The following CDKAL1 variants were observed in gnomAD, a reference collection of about 807,000 sequenced individuals.
CDKAL1 encodes the protein threonylcarbamoyladenosine tRNA methylthiotransferase.
A neutral mutation model predicts 68.2 loss-of-function variants in CDKAL1; 32 were observed. That is an observed-to-expected ratio of 0.47 (90% CI 0.35 to 0.63). CDKAL1 has a LOEUF of 0.63. Ranked by LOEUF, CDKAL1 falls within the 30% of genes least tolerant of loss-of-function variation. The pLI is 0.00. For missense variants in CDKAL1, 606 were observed against 696.7 expected (o/e 0.87, Z 1.47); for synonymous variants, 234 against 244.3 (o/e 0.96, Z 0.39).
chr6:21,079,946 C>T (rs1194645754), intron 12 of CDKAL1, among the ~76,000 whole-genome samples: 3 of 135,230 alleles, frequency 2.2e-5, no homozygotes, highest in Non-Finnish European at 4.7e-5. Flanking sequence ...TTGTTCTAAG[C>T]ACCATAAGAT....
chr6:20,769,385 A>G (rs1289845342), intron 7 of CDKAL1, among the ~76,000 whole-genome samples: 2 of 150,476 alleles, frequency 1.3e-5, no homozygotes, highest in Admixed American at 6.7e-5. Context: ...CAGCCTCCCA[A>G]GTAGCTGGGA....
intron 12 of CDKAL1, among the ~76,000 whole-genome samples, chr6:21,105,487 G>A (rs1347841072): frequency 6.6e-6 from 1 of 152,188 alleles, no homozygotes; most frequent in Non-Finnish European, 1.5e-5. Flanking sequence ...CTGAAATAGG[G>A]AAACTGATCT....
intron 9 of CDKAL1, among the ~76,000 whole-genome samples, chr6:20,903,204 C>T (rs573256587): frequency 1.3e-5 from 2 of 152,288 alleles, no homozygotes; most frequent in African/African-American, 4.8e-5. Context: ...AACACACAAA[C>T]GCAGACACAC....
intron 10 of CDKAL1, among the ~76,000 whole-genome samples, chr6:20,982,656 A>T (rs1766216801): frequency 6.6e-6 from 1 of 152,094 alleles, no homozygotes; most frequent in Non-Finnish European, 1.5e-5. Context: ...ACAAAATTGA[A>T]CATTTCAAAA....
At chr6:20,860,187 C>T (rs533101927) in intron 9 of CDKAL1, among the ~76,000 whole-genome samples, 134 of 152,232 alleles carry the variant, frequency 8.8e-4, no homozygotes, top group Non-Finnish European at 1.6e-3. Flanking sequence ...AAGCTATTCT[C>T]CTGCCTCAGC....
intron 12 of CDKAL1, among the ~76,000 whole-genome samples, chr6:21,083,162 G>T (rs144172537): frequency 6.6e-6 from 1 of 152,044 alleles, no homozygotes; most frequent in East Asian, 1.9e-4. Flanking sequence ...CACCATGCCC[G>T]GTCTCATTTA....
chr6:21,096,265 C>G (rs1270075155), intron 12 of CDKAL1, among the ~76,000 whole-genome samples: 1 of 152,174 alleles, frequency 6.6e-6, no homozygotes, highest in East Asian at 1.9e-4. Flanking sequence ...AGCAGCTTAT[C>G]TGTGGGTCAG....
At chr6:20,907,683 A>T (rs1011239850) in intron 9 of CDKAL1, among the ~76,000 whole-genome samples, 9 of 152,202 alleles carry the variant, frequency 5.9e-5, no homozygotes, top group Non-Finnish European at 7.4e-5. Flanking sequence ...GTGTGTGAGG[A>T]GCTGAGTGGC....
At chr6:21,003,389 CATAT>C (rs1205765913) in intron 11 of CDKAL1, among the ~76,000 whole-genome samples, 3 of 101,754 alleles carry the variant, frequency 2.9e-5, no homozygotes, top group African/African-American at 1.1e-4. Context: ...CACACACACA[CATAT>C]ATACACACAT....
chr6:20,679,357 A>T (rs1203638211), intron 5 of CDKAL1, among the ~76,000 whole-genome samples: 3 of 152,140 alleles, frequency 2.0e-5, no homozygotes, highest in Non-Finnish European at 4.4e-5. Flanking sequence ...ATTTCTATTT[A>T]TTATAACATT....
intron 9 of CDKAL1, among the ~76,000 whole-genome samples, chr6:20,904,221 G>A (rs966186995): frequency 2.0e-5 from 3 of 152,104 alleles, no homozygotes; most frequent in Non-Finnish European, 2.9e-5. Context: ...TTTAACTGAT[G>A]TGAGTTTCAG....
At chr6:21,176,081 T>C (rs149544593) in intron 13 of CDKAL1, among the ~76,000 whole-genome samples, 307 of 152,352 alleles carry the variant, frequency 2.0e-3, no homozygotes, top group African/African-American at 6.6e-3. Flanking sequence ...TGGGGTGTTT[T>C]GAGTATTGAA....
chr6:20,944,941 T>G (rs1764165782), intron 9 of CDKAL1, among the ~76,000 whole-genome samples: 1 of 152,208 alleles, frequency 6.6e-6, no homozygotes. Context: ...CTTCCTATTC[T>G]GACTATTCTT....
At chr6:21,131,035 G>T (rs1466582770) in intron 13 of CDKAL1, among the ~76,000 whole-genome samples, 1 of 152,188 alleles carries the variant, frequency 6.6e-6, no homozygotes, top group Non-Finnish European at 1.5e-5. Context: ...CCAGGGCAGG[G>T]CTTATGATAT....
intron 5 of CDKAL1, among the ~76,000 whole-genome samples, chr6:20,654,620 T>C (rs1421981474): frequency 1.3e-5 from 2 of 152,200 alleles, no homozygotes; most frequent in African/African-American, 4.8e-5. Flanking sequence ...TTGACTGTTA[T>C]TATTTTTTAT....
At chr6:21,229,650 C>A (rs986057136) in intron 15 of CDKAL1, among the ~76,000 whole-genome samples, 2 of 152,180 alleles carry the variant, frequency 1.3e-5, no homozygotes, top group Non-Finnish European at 2.9e-5. Flanking sequence ...CTCTGGGCTG[C>A]CCCTCCGCCC....
rs911547092 is a variant in CDKAL1 at position 21,154,326 on chromosome 6, G to A, written c.1300-43695G>A. 3.9e-5 allele frequency among the ~76,000 whole-genome samples: 6 copies of A among 152,130 alleles called. No individual in the cohort carries two copies. The East Asian group carries it at 9.6e-4, about 24-fold the overall frequency. On this transcript the variant is annotated intron_variant, in intron 13 of 15. Transcript: ENST00000274695. The stretch of plus-strand genomic sequence containing the variant: ...AAACCCATTCTAAGGAAACAAAGTT[G>A]GCCCAGTACCCCTAATTTCTAGCAA...
intron 4 of CDKAL1, among the ~76,000 whole-genome samples, chr6:20,608,479 C>G (rs1766433442): frequency 1.3e-5 from 2 of 152,170 alleles, no homozygotes; most frequent in Admixed American, 6.5e-5. Context: ...AGTGTTATAT[C>G]CTTGACGAGG....
At chr6:20,631,665 C>G (rs1767680505) in intron 4 of CDKAL1, among the ~76,000 whole-genome samples, 1 of 152,154 alleles carries the variant, frequency 6.6e-6, no homozygotes, top group African/African-American at 2.4e-5. Flanking sequence ...TGCCAGGTCC[C>G]AGACTGGTCC....
Sources: allele counts gnomAD v4.1 joint callset (sites outside exome capture counted in the v4.1 genomes callset), GRCh38; gene constraint gnomAD v4.1.1; transcripts MANE v1.5; gene names NCBI Gene and HGNC (gene_info 2026-07-23, HGNC 2026-07-21).